Variants in PCCA observed in about 807,000 individuals in gnomAD.
PCCA encodes propionyl-CoA carboxylase alpha chain, mitochondrial.
A neutral mutation model predicts 101.3 loss-of-function variants in PCCA; 74 were observed. The observed-to-expected ratio is 0.73, with a 90% CI of 0.61 to 0.89. The LOEUF is 0.89. PCCA is among the 40% of genes least tolerant of loss of function. The pLI, the probability that PCCA is intolerant of heterozygous loss-of-function variation, is 0.00. For synonymous variants in PCCA, 294 were observed against 313.6 expected (o/e 0.94, Z 0.66); for missense variants, 891 against 907.0 (o/e 0.98, Z 0.23).
chr13:100,276,183 C>T (rs2063641282), intron 12 of PCCA, among the ~76,000 whole-genome samples: 1 of 122,746 alleles, frequency 8.1e-6, no homozygotes, highest in Admixed American at 1.0e-4. Flanking sequence ...CAAGATCAGT[C>T]TGGGTAACAT....
At chr13:100,294,285 T>TA (rs1267111812) in intron 12 of PCCA, among the ~76,000 whole-genome samples, 2 of 152,166 alleles carry the variant, frequency 1.3e-5, no homozygotes, top group Non-Finnish European at 2.9e-5. Context: ...TGTCTCCAAA[T>TA]ACAGTCACAT....
At chr13:100,318,649 A>G (rs1260538411) in intron 16 of PCCA, among the ~76,000 whole-genome samples, 1 of 151,972 alleles carries the variant, frequency 6.6e-6, no homozygotes, top group Non-Finnish European at 1.5e-5. Context: ...TGTCCCTACA[A>G]AGGACATGAA....
chr13:100,157,155 T>A lies in PCCA; in HGVS notation c.415-132T>A, dbSNP rs111596243. Reference sequence around the variant, plus strand: ...AGAAATGTGAGTTAGAACTGATCAGTGTATAAGAGAAGTGTACTTATTCAA... The same window carrying A: ...AGAAATGTGAGTTAGAACTGATCAGAGTATAAGAGAAGTGTACTTATTCAA... On this transcript the variant is annotated intron_variant, in intron 5 of 23. Coordinates refer to ENST00000376285, the MANE Select transcript of PCCA (RefSeq NM_000282.4). 5.8e-3 allele frequency: 3,727 copies of A among 645,570 alleles called. 105 individuals carry two copies. In the African/African-American group the frequency reaches 0.06, roughly 10 times the overall value. 40.0% of individuals were successfully genotyped at this position (645,570 alleles called of 1,614,324 possible). A position where few individuals can be genotyped will look rare whatever the true frequency, so the allele number is the denominator to read the frequency against.
chr13:100,151,240 C>T (rs564642808), intron 4 of PCCA: 4 of 583,810 alleles, frequency 6.9e-6, no homozygotes, highest in Admixed American at 3.2e-5. Flanking sequence ...TAGGCTCATA[C>T]GGGTAATAGT....
intron 18 of PCCA, among the ~76,000 whole-genome samples, chr13:100,353,614 A>G (rs374844078): frequency 6.6e-6 from 1 of 152,204 alleles, no homozygotes; most frequent in Admixed American, 6.5e-5. Flanking sequence ...TGGGCTGCAC[A>G]TAAGCAGTGC....
chr13:100,261,669 A>G (rs974724589), intron 9 of PCCA, among the ~76,000 whole-genome samples: 5 of 152,200 alleles, frequency 3.3e-5, no homozygotes. Context: ...AAATATTTGA[A>G]TAATAGGCAT....
chr13:100,140,999 C>T (rs950522685), intron 4 of PCCA, among the ~76,000 whole-genome samples: 1 of 152,188 alleles, frequency 6.6e-6, no homozygotes, highest in Non-Finnish European at 1.5e-5. Flanking sequence ...AGTGTTACAG[C>T]TAATTGCTTG....
chr13:100,487,220 A>G (rs2084453117), intron 21 of PCCA, among the ~76,000 whole-genome samples: 1 of 152,212 alleles, frequency 6.6e-6, no homozygotes, highest in South Asian at 2.1e-4. Flanking sequence ...TAATAGAACA[A>G]ATTAAGGGCA....
chr13:100,400,625 TA>T lies in PCCA; in HGVS notation c.1747-25007del, dbSNP rs1225911311. Among the ~76,000 whole-genome samples, 79 of 117,898 alleles carry T rather than the reference TA, an allele frequency of 6.7e-4. 3 individuals are homozygous for T. Among genetic ancestry groups the T allele is most frequent in the African/African-American group, 2.6e-3 (73 of 28,180 alleles). 77.3% of individuals were successfully genotyped at this position (117,898 alleles called of 152,430 possible). ...TATGATGATTGATCTTAGTTCTTTTTAGTTCTTTTTTTTTTTTTTTTTGAGA... is the reference window on the plus strand; with the variant it reads ...TATGATGATTGATCTTAGTTCTTTTTGTTCTTTTTTTTTTTTTTTTTGAGA... On this transcript the variant is annotated intron_variant, in intron 19 of 23. Transcript: ENST00000376285.
At chr13:100,149,473 G>A (rs7983948) in intron 4 of PCCA, 2 of 151,808 alleles carry the variant, frequency 1.3e-5, no homozygotes, top group African/African-American at 4.8e-5. Flanking sequence ...TTCCAGGCTC[G>A]CCACAGTCTC....
chr13:100,139,934 G>T (rs376560332), intron 4 of PCCA, among the ~76,000 whole-genome samples: 1 of 150,604 alleles, frequency 6.6e-6, no homozygotes, highest in African/African-American at 2.4e-5. Context: ...TCCTGTGGGC[G>T]GTGGGTCTTT....
chr13:100,137,069 G>C (rs987675914), intron 4 of PCCA, among the ~76,000 whole-genome samples: 5 of 151,428 alleles, frequency 3.3e-5, no homozygotes, highest in Non-Finnish European at 5.9e-5. Flanking sequence ...TATATATTGT[G>C]TTTTCATTTT....
intron 20 of PCCA, among the ~76,000 whole-genome samples, chr13:100,426,269 C>T (rs560294281): frequency 6.6e-6 from 1 of 151,954 alleles, no homozygotes; most frequent in African/African-American, 2.4e-5. Flanking sequence ...TTTTTGTAAC[C>T]TGTGACTTCC....
chr13:100,412,148 C>T (rs752121576), intron 19 of PCCA, among the ~76,000 whole-genome samples: 1 of 151,912 alleles, frequency 6.6e-6, no homozygotes, highest in Non-Finnish European at 1.5e-5. Context: ...ACTGTGCTGT[C>T]GACAAAATGT....
In PCCA at chr13:100,136,474, C is replaced by T. The variant is rs74765517; in HGVS notation, c.301-18505C>T. ...GTGCTGGGATTACAGGTGTGAGCCA[C>T]GCGCCCGGCCTATAAAATTGTTCAG... On this transcript the variant is annotated intron_variant, in intron 4 of 23. Transcript: ENST00000376285. 4.8e-3 allele frequency among the ~76,000 whole-genome samples: 735 copies of T among 152,206 alleles called. 21 individuals carry two copies. In the East Asian group the frequency reaches 0.082, roughly 17 times the overall value.
chr13:100,326,064 A>G (rs1268501917), intron 16 of PCCA, among the ~76,000 whole-genome samples: 1 of 152,164 alleles, frequency 6.6e-6, no homozygotes, highest in Non-Finnish European at 1.5e-5. Context: ...ACACCACTGA[A>G]GATGCATTGT....
intron 21 of PCCA, among the ~76,000 whole-genome samples, chr13:100,488,765 C>T (rs2084635674): frequency 2.0e-5 from 3 of 151,934 alleles, no homozygotes; most frequent in African/African-American, 4.8e-5. Flanking sequence ...AGGATCGCAT[C>T]ACTGCACTGC....
chr13:100,266,622 T>C (rs746282922), intron 10 of PCCA, among the ~76,000 whole-genome samples: 4 of 152,244 alleles, frequency 2.6e-5, no homozygotes, highest in Non-Finnish European at 5.9e-5. Context: ...TATTCCTCCA[T>C]ACATAGTCTA....
intron 19 of PCCA, among the ~76,000 whole-genome samples, chr13:100,405,910 G>A (rs986008775): frequency 6.6e-6 from 1 of 151,622 alleles, no homozygotes; most frequent in Non-Finnish European, 1.5e-5. Flanking sequence ...GGAATTAAAG[G>A]TGTGCGCCAC....
Sources: gnomAD v4.1 joint callset for allele counts (sites outside exome capture counted in the v4.1 genomes callset) on GRCh38, gnomAD v4.1.1 for gene constraint, MANE v1.5 for transcripts, NCBI Gene and HGNC (gene_info 2026-07-23, HGNC 2026-07-21) for gene names.